NRG3: variants seen among roughly 807,000 people sequenced by gnomAD.
The protein encoded by NRG3 is pro-neuregulin-3, membrane-bound isoform.
NRG3 carries 31 observed loss-of-function variants against 66.9 expected under a neutral mutation model. That is an observed-to-expected ratio of 0.46 (90% confidence interval 0.35 to 0.63). NRG3 has a LOEUF of 0.63. NRG3 is among the 20% of genes least tolerant of loss of function. The probability of loss-of-function intolerance (pLI) is 0.00; values close to 1 mark genes in which losing one functional copy is unlikely to be tolerated. For synonymous variants in NRG3, 393 were observed against 359.4 expected (o/e 1.09, Z -1.06); for missense variants, 910 against 878.9 (o/e 1.04, Z -0.45).
At chr10:82,791,735 C>T (rs1300990421) in intron 3 of NRG3, among the ~76,000 whole-genome samples, 3 of 152,212 alleles carry the variant, frequency 2.0e-5, no homozygotes, top group Non-Finnish European at 4.4e-5. Flanking sequence ...TGACAAGCTT[C>T]TTGTTTGCCC....
intron 1 of NRG3, among the ~76,000 whole-genome samples, chr10:82,173,966 A>G (rs1407282052): frequency 1.3e-5 from 2 of 152,008 alleles, no homozygotes; most frequent in African/African-American, 4.8e-5. Context: ...TTGAAGTGTA[A>G]TTCATTTCAA....
intron 1 of NRG3, among the ~76,000 whole-genome samples, chr10:82,200,798 G>T (rs995496761): frequency 6.6e-6 from 1 of 152,054 alleles, no homozygotes; most frequent in African/African-American, 2.4e-5. Flanking sequence ...GGAGTTGAGA[G>T]TTTCAGAAAA....
At chr10:82,800,448 C>T (rs1390847140) in intron 3 of NRG3, among the ~76,000 whole-genome samples, 1 of 151,928 alleles carries the variant, frequency 6.6e-6, no homozygotes, top group Non-Finnish European at 1.5e-5. Context: ...TTAAGCATCC[C>T]AATCATTAGC....
Position 82,256,143 on chromosome 10 carries a change from C to T in NRG3, c.824-102596C>T, listed in dbSNP as rs555282432. 1.2e-4 allele frequency among the ~76,000 whole-genome samples: 19 copies of T among 152,072 alleles called. No individual in the cohort carries two copies. In the South Asian group the frequency reaches 2.9e-3, roughly 23 times the overall value. On this transcript the variant is annotated intron_variant, in intron 1 of 8. Transcript: ENST00000372141. Reference sequence around the variant, plus strand: ...TTCACCATATTGGCCAGGCTGGTCTCGAACTCCTGACCTCGTGATCCACCT... The same window carrying T: ...TTCACCATATTGGCCAGGCTGGTCTTGAACTCCTGACCTCGTGATCCACCT...
chr10:82,879,958 C>CTT (rs35159008), intron 4 of NRG3, among the ~76,000 whole-genome samples: 2,805 of 78,344 alleles, frequency 0.036, 79 homozygotes, highest in East Asian at 0.078. Flanking sequence ...GATTTCATCC[C>CTT]TTTTTTTTTT....
chr10:82,943,275 G>A (rs929184402), intron 4 of NRG3, among the ~76,000 whole-genome samples: 2 of 152,212 alleles, frequency 1.3e-5, no homozygotes, highest in Non-Finnish European at 2.9e-5. Flanking sequence ...TAAGGACAAT[G>A]AATAAGAGGA....
intron 1 of NRG3, among the ~76,000 whole-genome samples, chr10:81,903,296 C>G (rs1844258954): frequency 6.6e-6 from 1 of 152,046 alleles, no homozygotes; most frequent in South Asian, 2.1e-4. Flanking sequence ...GTAATTGTAT[C>G]TCAAAATCAT....
chr10:81,930,960 A>G (rs1847288743), intron 1 of NRG3, among the ~76,000 whole-genome samples: 5 of 152,162 alleles, frequency 3.3e-5, no homozygotes. Flanking sequence ...AACAGGCTGA[A>G]AAGTGGGAGG....
At chr10:82,105,339 C>A (rs564979603) in intron 1 of NRG3, among the ~76,000 whole-genome samples, 22 of 152,234 alleles carry the variant, frequency 1.4e-4, no homozygotes, top group African/African-American at 5.1e-4. Flanking sequence ...TGTAAGCTCT[C>A]AATTAACTGA....
chr10:82,186,143 T>A (rs1401084066), intron 1 of NRG3, among the ~76,000 whole-genome samples: 1 of 152,184 alleles, frequency 6.6e-6, no homozygotes, highest in Non-Finnish European at 1.5e-5. Context: ...GATTTTTTTT[T>A]ACAGAAGCAT....
intron 1 of NRG3, among the ~76,000 whole-genome samples, chr10:81,961,477 GAATTAAT>G (rs1850355600): frequency 1.6e-4 from 1 of 6,332 alleles, no homozygotes. Context: ...CTGAATAAAG[GAATTAAT>G]GAACTAATGA....
At chr10:82,586,627 C>G (rs1475560335) in intron 2 of NRG3, among the ~76,000 whole-genome samples, 1 of 151,968 alleles carries the variant, frequency 6.6e-6, no homozygotes, top group Non-Finnish European at 1.5e-5. Flanking sequence ...TAGAACAGTA[C>G]TTGGTGTTTT....
intron 1 of NRG3, among the ~76,000 whole-genome samples, chr10:82,116,305 C>A (rs1271427380): frequency 6.6e-6 from 1 of 152,052 alleles, no homozygotes; most frequent in South Asian, 2.1e-4. Context: ...TCTTTAATAG[C>A]CAAGCTTAAA....
intron 1 of NRG3, among the ~76,000 whole-genome samples, chr10:82,291,898 C>T (rs1483458102): frequency 6.6e-6 from 1 of 152,120 alleles, no homozygotes; most frequent in Non-Finnish European, 1.5e-5. Flanking sequence ...GAGAAAATTT[C>T]TGGGATCTAG....
intron 1 of NRG3, among the ~76,000 whole-genome samples, chr10:81,977,299 T>C (rs2060160577): frequency 6.6e-6 from 1 of 152,210 alleles, no homozygotes; most frequent in Non-Finnish European, 1.5e-5. Context: ...TGTGTGCTCC[T>C]GAAAGCTGGG....
At position 81,927,069 on chromosome 10, in the gene NRG3, G is replaced by C. The variant is rs189191794; in HGVS notation, c.823+50906G>C. Among the ~76,000 whole-genome samples the C allele has an allele frequency of 1.2e-3, 177 of 152,264 alleles. 1 individual carries two copies. The highest frequency in any genetic ancestry group is 0.01 in the Middle Eastern group (3 of 294). Reference sequence around the variant, plus strand: ...CGATGATTGGATCATTGTGCTCCCTGTTAGGCCAAGAGATAAAAATAAATT... The same window carrying C: ...CGATGATTGGATCATTGTGCTCCCTCTTAGGCCAAGAGATAAAAATAAATT... On this transcript the variant is annotated intron_variant, in intron 1 of 8. Coordinates refer to ENST00000372141, the MANE Select transcript of NRG3 (RefSeq NM_001010848.4).
intron 1 of NRG3, among the ~76,000 whole-genome samples, chr10:82,189,446 C>A (rs2133330054): frequency 6.6e-6 from 1 of 151,448 alleles, no homozygotes; most frequent in East Asian, 1.9e-4. Context: ...CGCTTGAGCC[C>A]AGGAGTGCAA....
chr10:81,997,660 G>T (rs960658278), intron 1 of NRG3, among the ~76,000 whole-genome samples: 19 of 151,980 alleles, frequency 1.3e-4, no homozygotes, highest in Admixed American at 1.3e-4. Context: ...CACAGGGCTT[G>T]GGAAAATGAA....
In NRG3 at chr10:81,875,265, G is replaced by A. The variant is rs1050124981; in HGVS notation, c.-76G>A. 1.9e-4 allele frequency: 183 copies of A among 947,484 alleles called. No homozygotes were observed. The highest frequency in any genetic ancestry group is 3.2e-4 in the Admixed American group (5 of 15,590). 58.7% of individuals were successfully genotyped at this position (947,484 alleles called of 1,614,324 possible). Reference sequence around the variant, plus strand: ...CGCCGCCGCCGGAGCCCGCGCCCGCGCCCGCGCCCGGCCCGCGCGGCCCCA... The same window carrying A: ...CGCCGCCGCCGGAGCCCGCGCCCGCACCCGCGCCCGGCCCGCGCGGCCCCA... On this transcript the variant is annotated 5_prime_UTR_variant, in exon 1 of 9. Coordinates refer to ENST00000372141, the MANE Select transcript of NRG3 (RefSeq NM_001010848.4). The surrounding 1 kb of genome is among the most constrained non-coding windows in gnomAD (Gnocchi z 5.3).
Sources: gnomAD v4.1 joint callset for allele counts (sites outside exome capture counted in the v4.1 genomes callset) on GRCh38, gnomAD v4.1.1 for gene constraint, Gnocchi (gnomAD v3.1) non-coding constraint, MANE v1.5 for transcripts, NCBI Gene and HGNC (gene_info 2026-07-23, HGNC 2026-07-21) for gene names.